NBEA: variants seen among roughly 807,000 people sequenced by gnomAD.
NBEA encodes the protein lysosomal-trafficking regulator 2.
A neutral mutation model predicts 343.4 loss-of-function variants in NBEA; 44 were observed. The ratio of observed to expected loss-of-function variants is 0.13; its 90% CI spans 0.10 to 0.16. The LOEUF is 0.16. Ranked by LOEUF, NBEA falls within the 10% of genes least tolerant of loss-of-function variation. The pLI, the probability that NBEA is intolerant of heterozygous loss-of-function variation, is 1.00. For missense variants in NBEA, 2,555 were observed against 3,631.3 expected (o/e 0.70, Z 7.62); for synonymous variants, 1,175 against 1,238.7 (o/e 0.95, Z 1.08).
At chr13:35,592,999 C>G in intron 46 of NBEA, 1 of 235,638 alleles carries the variant, frequency 4.2e-6, no homozygotes, top group Non-Finnish European at 8.4e-6. Flanking sequence ...TATATATAGC[C>G]TTAATTATTC....
chr13:35,646,398 G>A lies in NBEA; in HGVS notation c.7770+50G>A, dbSNP rs758524838. 3.1e-6 allele frequency: 4 copies of A among 1,286,376 alleles called. No individual in the cohort carries two copies. In the East Asian group the frequency reaches 9.4e-5, roughly 30 times the overall value. The allele number at this position is 1,286,376 out of a possible 1,614,324, so 79.7% of individuals were successfully genotyped here. On this transcript the variant is annotated intron_variant, in intron 51 of 58. Transcript: ENST00000379939. The stretch of plus-strand genomic sequence containing the variant: ...TTTTTTTTTCTTTCCTTTTTACCTG[G>A]GAATAGAGCAAATAAAATTGTGATT...
intron 1 of NBEA, among the ~76,000 whole-genome samples, chr13:34,993,715 C>G (rs1469070144): frequency 2.0e-5 from 3 of 152,136 alleles, no homozygotes; most frequent in Non-Finnish European, 2.9e-5. Context: ...AATGTCTATC[C>G]CTGAAATGAG....
chr13:35,567,130 C>A, intron 45 of NBEA, 113 bp downstream of exon 45: 1 of 543,540 alleles, frequency 1.8e-6, no homozygotes, highest in Non-Finnish European at 3.2e-6. Context: ...AACTGATTAT[C>A]TTGACTTACA....
chr13:35,098,190 T>G, intron 10 of NBEA, 107 bp from the exon 11 acceptor site: 176 of 695,204 alleles, frequency 2.5e-4, no homozygotes, highest in Middle Eastern at 8.2e-4. Context: ...AAAATAGAGA[T>G]GAGATTTGAA....
At chr13:35,525,658 G>T (rs1229341652) in intron 41 of NBEA, among the ~76,000 whole-genome samples, 1 of 152,186 alleles carries the variant, frequency 6.6e-6, no homozygotes, top group Non-Finnish European at 1.5e-5. Flanking sequence ...TCTGAGGCAG[G>T]ATACTTGGTA....
At chr13:35,584,616 C>T (rs2081206791) in intron 46 of NBEA, among the ~76,000 whole-genome samples, 1 of 151,914 alleles carries the variant, frequency 6.6e-6, no homozygotes, top group South Asian at 2.1e-4. Context: ...TCTCCTCCCT[C>T]AGCCTCCAGA....
rs571505086 is a variant in NBEA, at chr13:35,323,669, C to G, written c.5903+14077C>G. 9.2e-5 allele frequency among the ~76,000 whole-genome samples: 14 copies of G among 151,814 alleles called. 1 individual carries two copies. In the South Asian group the frequency reaches 2.7e-3, roughly 29 times the overall value. On this transcript the variant is annotated intron_variant, in intron 36 of 58. Coordinates refer to ENST00000379939, the MANE Select transcript of NBEA (RefSeq NM_001385012.1). The stretch of plus-strand genomic sequence containing the variant: ...ACATGGCACATGTATACATATGTAA[C>G]TAACCTGCACATTGTGCACATGTAC...
At chr13:35,347,566 C>CA (rs551977167) in intron 36 of NBEA, among the ~76,000 whole-genome samples, 8 of 150,078 alleles carry the variant, frequency 5.3e-5, no homozygotes, top group South Asian at 2.1e-4. Context: ...TTACTTAATG[C>CA]AAAAAAAATT....
chr13:35,251,710 G>T (rs994579636), intron 34 of NBEA: 1 of 347,534 alleles, frequency 2.9e-6, no homozygotes, highest in South Asian at 4.0e-5. Flanking sequence ...ACTCACTGGT[G>T]CCCGGGGATG....
Position 35,507,941 on chromosome 13 carries a change from C to A in NBEA, c.6585+35405C>A, listed in dbSNP as rs549518945. Reference sequence around the variant, plus strand: ...GGAGTCAACCAAAGTTCCAGTATTTCTTTTATATTAATTGCTGCTAGATAG... The same window carrying A: ...GGAGTCAACCAAAGTTCCAGTATTTATTTTATATTAATTGCTGCTAGATAG... On this transcript the variant is annotated intron_variant, in intron 41 of 58. Coordinates refer to ENST00000379939, the MANE Select transcript of NBEA (RefSeq NM_001385012.1). 2.6e-5 allele frequency among the ~76,000 whole-genome samples: 4 copies of A among 152,186 alleles called. No homozygotes were observed. In the East Asian group the frequency reaches 7.7e-4, roughly 29 times the overall value.
intron 35 of NBEA, among the ~76,000 whole-genome samples, chr13:35,294,947 G>A (rs1411271662): frequency 1.3e-5 from 2 of 151,526 alleles, no homozygotes; most frequent in Admixed American, 1.3e-4. Context: ...AGAGGAATGA[G>A]TCTGTTCAAC....
chr13:35,313,877 G>A (rs1233851473), intron 36 of NBEA, among the ~76,000 whole-genome samples: 1 of 152,134 alleles, frequency 6.6e-6, no homozygotes, highest in African/African-American at 2.4e-5. Context: ...AAGAAATTTG[G>A]CCAAGAAAGG....
At chr13:35,420,839 T>C (rs1190010557) in intron 38 of NBEA, among the ~76,000 whole-genome samples, 4 of 151,982 alleles carry the variant, frequency 2.6e-5, no homozygotes, top group African/African-American at 7.2e-5. Flanking sequence ...TCACTAGTGA[T>C]ATCCCCTTTT....
intron 33 of NBEA, among the ~76,000 whole-genome samples, chr13:35,218,151 G>A (rs1160529635): frequency 1.3e-5 from 2 of 152,030 alleles, no homozygotes; most frequent in Non-Finnish European, 2.9e-5. Flanking sequence ...AGGGTTCATA[G>A]TCCTGTACTC....
intron 1 of NBEA, among the ~76,000 whole-genome samples, chr13:35,000,719 G>A (rs1278977885): frequency 6.6e-6 from 1 of 151,804 alleles, no homozygotes; most frequent in Admixed American, 6.6e-5. Context: ...AGGTGTGAAG[G>A]TCAAGTGGAA....
At chr13:35,297,975 C>A (rs1011822059) in intron 35 of NBEA, among the ~76,000 whole-genome samples, 6 of 151,394 alleles carry the variant, frequency 4.0e-5, no homozygotes, top group African/African-American at 1.5e-4. Context: ...CCTACACAGT[C>A]AAAAATATGC....
chr13:35,648,021 G>A (rs1372206472), intron 51 of NBEA, among the ~76,000 whole-genome samples: 1 of 151,838 alleles, frequency 6.6e-6, no homozygotes, highest in East Asian at 1.9e-4. Flanking sequence ...GACTACGGGT[G>A]TGTGCCACCA....
intron 36 of NBEA, among the ~76,000 whole-genome samples, chr13:35,318,351 G>A (rs1169122170): frequency 1.3e-5 from 2 of 152,110 alleles, no homozygotes; most frequent in Non-Finnish European, 2.9e-5. Flanking sequence ...GACATCTATT[G>A]AGATAATCAT....
chr13:35,382,812 G>T (rs2042077576), intron 38 of NBEA, among the ~76,000 whole-genome samples: 1 of 152,092 alleles, frequency 6.6e-6, no homozygotes. Flanking sequence ...GGTTAATTTG[G>T]TAGCAAGGGA....
Sources: gnomAD v4.1 joint callset for allele counts (sites outside exome capture counted in the v4.1 genomes callset) on GRCh38, gnomAD v4.1.1 for gene constraint, MANE v1.5 for transcripts, NCBI Gene and HGNC (gene_info 2026-07-23, HGNC 2026-07-21) for gene names.